The following PKD1L3 variants were observed in gnomAD, a reference collection of about 807,000 sequenced individuals.
PKD1L3 encodes polycystin 1 like 3, transient receptor potential channel interacting, also known as polycystin-1-like protein 3.
In PKD1L3, 239 loss-of-function variants were observed where a neutral mutation model predicts 184.1. The observed-to-expected ratio is 1.30, with a 90% CI of 1.17 to 1.45. The LOEUF is 1.45. Among genes scored for constraint, PKD1L3 ranks in the 40% most tolerant of loss-of-function variants. The pLI is 0.00. For synonymous variants in PKD1L3, 996 were observed against 778.8 expected, an observed-to-expected ratio of 1.28 and a Z score of -4.64; for missense variants, 2,660 against 2,067.2, an observed-to-expected ratio of 1.29 and a Z score of -5.56.
intron 3 of PKD1L3, among the ~76,000 whole-genome samples, chr16:71,991,549 T>G (rs2040590772): frequency 6.6e-6 from 1 of 152,186 alleles, no homozygotes; most frequent in African/African-American, 2.4e-5. Flanking sequence ...AAGATAAATG[T>G]AAGGTGCTCT....
rs1597346017 is a variant in PKD1L3, at chr16:71,973,460, T to C, written c.1817A>G (p.Tyr606Cys). The stretch of plus-strand genomic sequence containing the variant: ...CTCACTCAGCACAGCTGTTATATAG[T>C]AGGTGCCAATCCCGTGCTGCAGATG... The part of the protein sequence containing the change: ...PEHLQHGIGT[Y>C]YITAVLSERQ... Residue 606 changes from tyrosine to cysteine, a missense_variant, in exon 12 of 30, where the codon TAC becomes TGC. Tyr to Cys is a radical substitution (Grantham distance 194). Transcript: ENST00000620267. 1.3e-6 allele frequency: 2 copies of C among 1,551,844 alleles called. No individual in the cohort carries two copies. The highest frequency in any genetic ancestry group is 1.7e-6 in the Non-Finnish European group (2 of 1,147,042).
intron 28 of PKD1L3, among the ~76,000 whole-genome samples, chr16:71,932,307 G>A (rs1245183176): frequency 6.6e-6 from 1 of 152,190 alleles, no homozygotes; most frequent in Non-Finnish European, 1.5e-5. Flanking sequence ...TTGGAGCCCA[G>A]TGCCTCATTT....
intron 15 of PKD1L3, among the ~76,000 whole-genome samples, chr16:71,965,420 T>C (rs1220744857): frequency 6.6e-6 from 1 of 152,182 alleles, no homozygotes; most frequent in Non-Finnish European, 1.5e-5. Context: ...CTGGGTCACA[T>C]GGTCAGTGTA....
rs993712618 is a variant in PKD1L3 at position 71,954,051 on chromosome 16, A to G, written c.2809+54T>C. On this transcript the variant is annotated intron_variant, in intron 17 of 29. Coordinates refer to ENST00000620267, the MANE Select transcript of PKD1L3 (RefSeq NM_181536.2). ...GGTAACAGAGCAAGACCCTGTCTCA[A>G]AAAAAAAAAAGGATTGCTTACTACA... 2,142 of 1,295,124 alleles carry G rather than the reference A, an allele frequency of 1.7e-3. 3 individuals are homozygous for G. The highest frequency in any genetic ancestry group is 2.0e-3 in the Non-Finnish European group (1,969 of 986,098). The allele number at this position is 1,295,124 out of a possible 1,614,324, so 80.2% of individuals were successfully genotyped here.
intron 11 of PKD1L3, among the ~76,000 whole-genome samples, chr16:71,974,266 C>G (rs1412224701): frequency 6.6e-6 from 1 of 152,138 alleles, no homozygotes; most frequent in Non-Finnish European, 1.5e-5. Flanking sequence ...TAAGGTGAGT[C>G]ATCCAGTCTC....
chr16:71,998,274 G>C lies in PKD1L3; in HGVS notation c.416C>G (p.Thr139Ser), dbSNP rs989007017. 19 of 1,551,804 alleles carry C rather than the reference G, an allele frequency of 1.2e-5. No homozygotes were observed. Among genetic ancestry groups the C allele is most frequent in the Admixed American group, 5.9e-5 (3 of 50,894 alleles). Residue 139 changes from threonine (T) to serine (S), a missense_variant and splice_region_variant, in exon 2 of 30, where the codon ACT becomes AGT. Transcript: ENST00000620267. Reference sequence around the variant, plus strand: ...CAGCATGTAGCTTTATCACTTACCAGTCTGGCAAATGAAATAGTATTTCAG... The same window carrying C: ...CAGCATGTAGCTTTATCACTTACCACTCTGGCAAATGAAATAGTATTTCAG... ...CLLKYYFICQ[T>S]GDFLDGDAHY... is the part of the protein sequence containing the mutation.
At position 71,938,540 on chromosome 16, in the gene PKD1L3, C is replaced by T. The variant is rs922112705; in HGVS notation, c.4325-1121G>A. ...GGGGGCTGGGCTGCCAGTTCTGGAA[C>T]CTGCCAGTTTCACTAACTCAATTGA... On this transcript the variant is annotated intron_variant, in intron 24 of 29. Coordinates refer to ENST00000620267, the MANE Select transcript of PKD1L3 (RefSeq NM_181536.2). 2.6e-5 allele frequency among the ~76,000 whole-genome samples: 4 copies of T among 152,360 alleles called. No homozygotes were observed. The East Asian group carries it at 7.7e-4, about 29-fold the overall frequency.
chr16:71,973,884 C>T (rs2143657861), intron 11 of PKD1L3, among the ~76,000 whole-genome samples: 1 of 152,058 alleles, frequency 6.6e-6, no homozygotes, highest in East Asian at 1.9e-4. Flanking sequence ...AGCCTGTAAT[C>T]CCAGCTACTC....
intron 3 of PKD1L3, among the ~76,000 whole-genome samples, chr16:71,990,536 C>T (rs1036483712): frequency 1.4e-4 from 22 of 152,010 alleles, no homozygotes; most frequent in South Asian, 6.2e-4. Context: ...AGTTTGAGAC[C>T]AGCCTGGCCA....
At position 71,967,096 on chromosome 16, in the gene PKD1L3, C is replaced by CA. The variant is rs1343106007; in HGVS notation, c.2465+40dup. On this transcript the variant is annotated intron_variant, in intron 15 of 29. Coordinates refer to ENST00000620267, the MANE Select transcript of PKD1L3 (RefSeq NM_181536.2). ...GATCTTCTTTCTTCTCTCTTGGATCCACAAAGCAGCAGCAACAGCCAACAG... is the reference window on the plus strand; with the variant it reads ...GATCTTCTTTCTTCTCTCTTGGATCCAACAAAGCAGCAGCAACAGCCAACAG... 2.0e-5 allele frequency: 31 copies of CA among 1,520,608 alleles called. No individual in the cohort carries two copies. In the East Asian group the frequency reaches 7.4e-4, roughly 36 times the overall value. The allele number at this position is 1,520,608 out of a possible 1,614,324, so 94.2% of individuals were successfully genotyped here.
intron 24 of PKD1L3, among the ~76,000 whole-genome samples, chr16:71,938,506 T>A (rs8057124): frequency 6.6e-6 from 1 of 152,160 alleles, no homozygotes; most frequent in Non-Finnish European, 1.5e-5. Flanking sequence ...CAGGGATCAT[T>A]TGAAGCCTGG....
intron 2 of PKD1L3, among the ~76,000 whole-genome samples, chr16:71,996,822 A>G (rs1340174395): frequency 6.6e-6 from 1 of 152,104 alleles, no homozygotes; most frequent in Non-Finnish European, 1.5e-5. Flanking sequence ...AACCAGAGGG[A>G]TTCACTTTGG....
Position 71,970,067 on chromosome 16 carries a change from G to C in PKD1L3, c.1992C>G (p.Leu664=), listed in dbSNP as rs1223280687. ...TGGCAAAGAAGGTCAGGTGGTTACA[G>C]AGACACTGTGTCCTCAGAATTGTGC... ...PQSTILRTQC[L]CNHLTFFASD... is the part of the protein sequence containing the mutation. The change falls in exon 13 of 30, where the codon CTC becomes CTG. Residue 664 remains leucine (L), a synonymous_variant. Transcript: ENST00000620267. 3 of 1,551,586 alleles carry C rather than the reference G, an allele frequency of 1.9e-6. No individual in the cohort carries two copies. The highest frequency in any genetic ancestry group is 2.0e-5 in the Admixed American group (1 of 50,976).
intron 21 of PKD1L3, among the ~76,000 whole-genome samples, chr16:71,949,120 C>T (rs913610899): frequency 6.6e-6 from 1 of 151,948 alleles, no homozygotes; most frequent in African/African-American, 2.4e-5. Flanking sequence ...CTGGGTGGTA[C>T]GACTTTAGAA....
intron 16 of PKD1L3, among the ~76,000 whole-genome samples, chr16:71,960,469 ACTTT>A (rs2039234608): frequency 6.6e-6 from 1 of 152,146 alleles, no homozygotes; most frequent in South Asian, 2.1e-4. Context: ...CAGTATGTCA[ACTTT>A]CTTTAGTTAA....
chr16:71,983,251 A>C (rs2040228741), intron 6 of PKD1L3, among the ~76,000 whole-genome samples: 1 of 152,116 alleles, frequency 6.6e-6, no homozygotes, highest in African/African-American at 2.4e-5. Flanking sequence ...GGCTCAAACC[A>C]TCCTCCCATC....
intron 24 of PKD1L3, among the ~76,000 whole-genome samples, chr16:71,938,955 G>A (rs1446263557): frequency 6.6e-6 from 1 of 152,222 alleles, no homozygotes; most frequent in African/African-American, 2.4e-5. Flanking sequence ...ACACCCCCTT[G>A]CTTGCCACAC....
rs904005734 is a variant in PKD1L3, at chr16:71,933,458, C to T, written c.4888G>A (p.Val1630Ile). 3 of 1,551,158 alleles carry T rather than the reference C, an allele frequency of 1.9e-6. No homozygotes were observed. The highest frequency in any genetic ancestry group is 2.7e-5 in the African/African-American group (2 of 73,124). The change falls in exon 28 of 30, where the codon GTT (valine) becomes ATT (isoleucine). Residue 1630 changes from valine (V) to isoleucine (I), a missense_variant. Val to Ile is a conservative substitution (Grantham distance 29). Coordinates refer to ENST00000620267, the MANE Select transcript of PKD1L3 (RefSeq NM_181536.2). ...GAAATTCCCATCAGGAGACCAACAACAGTCACTGCTGAGCTGAAAAATGTC... is the reference window on the plus strand; with the variant it reads ...GAAATTCCCATCAGGAGACCAACAATAGTCACTGCTGAGCTGAAAAATGTC... ...YRTFFSSAVT[V>I]VGLLMGISHQ...
chr16:71,989,352 C>A (rs905039493), intron 4 of PKD1L3, among the ~76,000 whole-genome samples: 1 of 152,208 alleles, frequency 6.6e-6, no homozygotes, highest in African/African-American at 2.4e-5. Context: ...GAGGTTTCAC[C>A]ATGTTGGCCA....
Sources: allele counts gnomAD v4.1 joint callset (sites outside exome capture counted in the v4.1 genomes callset), GRCh38; gene constraint gnomAD v4.1.1; transcripts MANE v1.5; gene names NCBI Gene and HGNC (gene_info 2026-07-23, HGNC 2026-07-21).